The following TFIP11 variants were observed in gnomAD, a reference collection of about 807,000 sequenced individuals.
The protein encoded by TFIP11 is tuftelin interacting protein 11.
TFIP11 carries 86 observed loss-of-function variants against 96.8 expected under a neutral mutation model. The ratio of observed to expected loss-of-function variants is 0.89; its 90% CI spans 0.75 to 1.06. TFIP11 has a LOEUF of 1.06. TFIP11 is among the 50% of genes least tolerant of loss of function. The pLI, the probability that TFIP11 is intolerant of heterozygous loss-of-function variation, is 0.00. For synonymous variants in TFIP11, 405 were observed against 395.2 expected (o/e 1.02, Z -0.29); for missense variants, 881 against 1,076.7 (o/e 0.82, Z 2.54).
intron 4 of TFIP11, among the ~76,000 whole-genome samples, chr22:26,508,445 C>T (rs1303932660): frequency 6.6e-6 from 1 of 152,226 alleles, no homozygotes; most frequent in Non-Finnish European, 1.5e-5. Context: ...TTATTATTAT[C>T]TTATGATTAT....
At chr22:26,507,885 G>T (rs1057155036) in intron 4 of TFIP11, among the ~76,000 whole-genome samples, 1 of 152,118 alleles carries the variant, frequency 6.6e-6, no homozygotes, top group Non-Finnish European at 1.5e-5. Flanking sequence ...CACTTTGGGA[G>T]GCTTGAGGCC....
At chr22:26,495,541 AAT>A (rs1921849871) in intron 12 of TFIP11, among the ~76,000 whole-genome samples, 1 of 130,268 alleles carries the variant, frequency 7.7e-6, no homozygotes, top group Non-Finnish European at 1.7e-5. Context: ...CGATTCTTAA[AAT>A]ATATATGTGT....
rs201407555 is a variant in TFIP11, at chr22:26,499,479, G to A, written c.954C>T (p.Pro318=). ...KEAKAPGFAL[P]ELEHNLQLLI... ...GCAGCTGCAGGTTGTGCTCCAGCTC[G>A]GGCAGCGCGAAGCCGGGGGCCTTGG... The change falls in exon 9 of 15, where the codon CCC becomes CCT. Residue 318 remains proline, a synonymous_variant. Coordinates refer to ENST00000407690, the MANE Select transcript of TFIP11 (RefSeq NM_012143.4). 66 of 1,614,054 alleles carry A rather than the reference G, an allele frequency of 4.1e-5. No individual in the cohort carries two copies. Among genetic ancestry groups the A allele is most frequent in the African/African-American group, 5.3e-5 (4 of 74,940 alleles).
At chr22:26,506,252 C>T (rs1188395921) in intron 6 of TFIP11, 51 bp downstream of exon 6, 4 of 1,517,532 alleles carry the variant, frequency 2.6e-6, no homozygotes, top group East Asian at 2.3e-5. Context: ...CGCCCCTCTC[C>T]TTCCCTATGC....
At chr22:26,495,038 A>G (rs1292990884) in intron 12 of TFIP11, 99 bp from the exon 13 acceptor site, 8 of 1,521,890 alleles carry the variant, frequency 5.3e-6, no homozygotes, top group East Asian at 2.3e-5. Context: ...CTCAGCTTAC[A>G]GCAACCTCCG....
intron 13 of TFIP11, 60 bp downstream of exon 13, chr22:26,494,737 A>C: frequency 3.1e-6 from 5 of 1,608,952 alleles, no homozygotes; most frequent in Middle Eastern, 1.7e-4. Context: ...CCTTGGCAGA[A>C]AATTAACTTA....
In TFIP11 at chr22:26,503,813, A is replaced by T; in HGVS notation, c.521-20T>A. On this transcript the variant is annotated intron_variant, in intron 6 of 14. Transcript: ENST00000407690. ...TGATACCTGAGGAATTTCAGCAAAAAAAAAAGAGAGTCTTACGATCACAGC... is the reference window on the plus strand; with the variant it reads ...TGATACCTGAGGAATTTCAGCAAAATAAAAAGAGAGTCTTACGATCACAGC... 6.2e-7 allele frequency: 1 copy of T among 1,610,716 alleles called. No homozygotes were observed. Among genetic ancestry groups the T allele is most frequent in the Non-Finnish European group, 8.5e-7 (1 of 1,179,140 alleles).
chr22:26,498,608 CA>C, intron 10 of TFIP11: 1 of 371,264 alleles, frequency 2.7e-6, no homozygotes, highest in East Asian at 4.5e-5. Flanking sequence ...ATGGGTACAC[CA>C]AAATCTCACA....
At chr22:26,495,855 G>A (rs918734130) in intron 12 of TFIP11, among the ~76,000 whole-genome samples, 20 of 152,064 alleles carry the variant, frequency 1.3e-4, no homozygotes, top group African/African-American at 4.8e-4. Flanking sequence ...TATTGTCACT[G>A]TCGACTATTA....
At chr22:26,506,482 C>T in intron 5 of TFIP11, 23 bp from the exon 6 acceptor site, 8 of 1,583,270 alleles carry the variant, frequency 5.1e-6, no homozygotes, top group Non-Finnish European at 6.8e-6. Flanking sequence ...AAAATCAAAG[C>T]TTAGTTAATG....
chr22:26,494,850 C>G lies in TFIP11; in HGVS notation c.1939G>C (p.Val647Leu), dbSNP rs777629357. 1.2e-6 allele frequency: 2 copies of G among 1,614,214 alleles called. No homozygotes were observed. Among genetic ancestry groups the G allele is most frequent in the East Asian group, 2.2e-5 (1 of 44,880 alleles). The change falls in exon 13 of 15, where the codon GTC becomes CTC. Residue 647 changes from valine (V) to leucine (L), a missense_variant. Physicochemically the swap from Val to Leu is conservative, Grantham distance 32 (BLOSUM62 1). Coordinates refer to ENST00000407690, the MANE Select transcript of TFIP11 (RefSeq NM_012143.4). ...WVIDWEGMIS[V>L]SSLVGLLEKH... ...TCAAGAAGTCCCACCAGGCTAGAGA[C>G]AGAGATCATCCCTTCCCAGTCAATC...
At chr22:26,498,592 C>T in intron 10 of TFIP11, 1 of 314,096 alleles carries the variant, frequency 3.2e-6, no homozygotes, top group South Asian at 5.7e-5. Flanking sequence ...GTATACTTCT[C>T]AGGAGATGGG....
At chr22:26,494,532 T>C in intron 13 of TFIP11, 2 of 700,594 alleles carry the variant, frequency 2.9e-6, no homozygotes, top group Non-Finnish European at 2.3e-6. Context: ...CTTCCATGTC[T>C]ACACAACAGG....
intron 10 of TFIP11, 80 bp downstream of exon 10, chr22:26,498,789 G>T: frequency 8.9e-7 from 1 of 1,125,010 alleles, no homozygotes; most frequent in Non-Finnish European, 1.4e-6. Flanking sequence ...CAGCACTGCT[G>T]CCTTCCCCCA....
rs532845230 is a variant in TFIP11 at position 26,498,321 on chromosome 22, G to T, written c.1436+548C>A. On this transcript the variant is annotated intron_variant, in intron 10 of 14. Transcript: ENST00000407690. ...ATTTTTTTGGAGGCCAAGGCGGGTG[G>T]ATCACGAGGTCAGGAGATTGAGATC... Among the ~76,000 whole-genome samples the T allele has an allele frequency of 8.5e-5, 13 of 152,272 alleles. 1 individual carries two copies. In the South Asian group the frequency reaches 2.3e-3, roughly 27 times the overall value.
At chr22:26,495,956 A>G in intron 12 of TFIP11, 117 bp downstream of exon 12, 1 of 1,418,608 alleles carries the variant, frequency 7.0e-7, no homozygotes, top group Non-Finnish European at 9.5e-7. Flanking sequence ...AGCAAGGAAT[A>G]TTGTGTACTA....
chr22:26,499,672 C>T (rs758874830), intron 8 of TFIP11, 41 bp from the exon 9 acceptor site: 6 of 1,561,184 alleles, frequency 3.8e-6, no homozygotes, highest in Non-Finnish European at 5.2e-6. Flanking sequence ...ACCGCTGCAG[C>T]CCTGTTAAAC....
In TFIP11 at chr22:26,492,014, C is replaced by G; in HGVS notation, c.2513G>C (p.Ter838SerextTer20). 6.3e-7 allele frequency: 1 copy of G among 1,590,078 alleles called. No individual in the cohort carries two copies. The highest frequency in any genetic ancestry group is 8.6e-7 in the Non-Finnish European group (1 of 1,168,208). ...SLQSLIDMAK* is the reference protein window; with the variant it reads ...SLQSLIDMAKS The stretch of plus-strand genomic sequence containing the variant: ...GACTGGTTCTGGACCTGCCACAGTT[C>G]ACTTGGCCATGTCGATCAGGCTCTG... The change falls in exon 15 of 15, where the codon TGA becomes TCA. Residue 838 changes from the stop codon to serine (S), a stop_lost. Coordinates refer to ENST00000407690, the MANE Select transcript of TFIP11 (RefSeq NM_012143.4).
Position 26,492,199 on chromosome 22 carries a change from G to T in TFIP11, c.2328C>A (p.Leu776=), listed in dbSNP as rs771163665. ...TGTGCTCCTCAGCCTTGGTCTCAAT[G>T]AGGTCCTTAAAGTTCATGGGCACAG... The part of the protein sequence containing the change: ...ASSVPMNFKD[L]IETKAEEHNI... The change falls in exon 15 of 15, where the codon CTC becomes CTA. Residue 776 remains leucine, a synonymous_variant. Transcript: ENST00000407690. 1 of 1,614,218 alleles carries T rather than the reference G, an allele frequency of 6.2e-7. No homozygotes were observed. The highest frequency in any genetic ancestry group is 1.7e-5 in the Admixed American group (1 of 60,028).
Sources: allele counts gnomAD v4.1 joint callset (sites outside exome capture counted in the v4.1 genomes callset), GRCh38; gene constraint gnomAD v4.1.1; transcripts MANE v1.5; gene names NCBI Gene and HGNC (gene_info 2026-07-23, HGNC 2026-07-21).